Variants in KLHL32 observed in about 807,000 individuals in gnomAD.
KLHL32 encodes kelch like family member 32, also known as kelch-like protein 32.
In KLHL32, 35 loss-of-function variants were observed where a neutral mutation model predicts 64.8. That is an observed-to-expected ratio of 0.54 (90% CI 0.41 to 0.72). The LOEUF is 0.72. Among genes scored for constraint, KLHL32 ranks in the 30% least tolerant of loss-of-function variants. The pLI is 0.00. For synonymous variants in KLHL32, 259 were observed against 281.0 expected (o/e 0.92, Z 0.78); for missense variants, 589 against 768.5 (o/e 0.77, Z 2.76).
At chr6:96,943,419 A>G (rs1771569628) in intron 1 of KLHL32, among the ~76,000 whole-genome samples, 1 of 152,084 alleles carries the variant, frequency 6.6e-6, no homozygotes, top group African/African-American at 2.4e-5. Context: ...CTGTTCTACC[A>G]AGGAGATTTC....
intron 3 of KLHL32, among the ~76,000 whole-genome samples, chr6:97,027,172 A>G (rs983837432): frequency 5.3e-5 from 8 of 151,880 alleles, no homozygotes; most frequent in Admixed American, 1.3e-4. Flanking sequence ...AAAAAAAAAA[A>G]AAAAAGAAAA....
chr6:97,019,514 G>A (rs374085673), intron 3 of KLHL32, among the ~76,000 whole-genome samples: 1 of 152,168 alleles, frequency 6.6e-6, no homozygotes, highest in Non-Finnish European at 1.5e-5. Flanking sequence ...GTGGGACTTC[G>A]GGTGAAGCAC....
intron 6 of KLHL32, among the ~76,000 whole-genome samples, chr6:97,093,370 T>C (rs1326876668): frequency 6.6e-6 from 1 of 152,200 alleles, no homozygotes; most frequent in African/African-American, 2.4e-5. Context: ...ATAAGGCAAG[T>C]ATGATCCAAA....
chr6:97,062,183 T>G (rs1309502759), intron 4 of KLHL32: 1 of 152,258 alleles, frequency 6.6e-6, no homozygotes, highest in Non-Finnish European at 1.5e-5. Context: ...AATATTCATC[T>G]TGTCTCTCTG....
At chr6:96,986,653 G>A (rs1340132586) in intron 3 of KLHL32, among the ~76,000 whole-genome samples, 1 of 152,222 alleles carries the variant, frequency 6.6e-6, no homozygotes, top group Non-Finnish European at 1.5e-5. Flanking sequence ...GGCTTCGTGG[G>A]TGTAGGACCC....
intron 7 of KLHL32, among the ~76,000 whole-genome samples, chr6:97,121,337 G>T (rs186799047): frequency 3.4e-4 from 52 of 152,214 alleles, no homozygotes; most frequent in Admixed American, 6.5e-4. Flanking sequence ...CTTCCAAATG[G>T]CATAAAACTG....
At chr6:97,001,337 C>T (rs1779008049) in intron 3 of KLHL32, among the ~76,000 whole-genome samples, 1 of 152,154 alleles carries the variant, frequency 6.6e-6, no homozygotes. Context: ...TGGTCTAAAA[C>T]ATACATTTTA....
intron 8 of KLHL32, 48 bp downstream of exon 8, chr6:97,127,510 A>C: frequency 6.8e-7 from 1 of 1,460,048 alleles, no homozygotes; most frequent in Non-Finnish European, 9.6e-7. Context: ...ATGAATTTTA[A>C]AAGATTCCAG....
At chr6:97,016,727 A>C (rs1294981077) in intron 3 of KLHL32, among the ~76,000 whole-genome samples, 1 of 152,148 alleles carries the variant, frequency 6.6e-6, no homozygotes, top group Non-Finnish European at 1.5e-5. Context: ...GCAGAATTAT[A>C]TGGTTTGGGC....
At chr6:96,986,551 C>A (rs1777096934) in intron 3 of KLHL32, among the ~76,000 whole-genome samples, 1 of 152,202 alleles carries the variant, frequency 6.6e-6, no homozygotes, top group South Asian at 2.1e-4. Flanking sequence ...CTTTGTTTAC[C>A]TACTCAAGCC....
the KLHL32 span, among the ~76,000 whole-genome samples, chr6:96,913,875 T>A: frequency 5.9e-5 from 9 of 152,164 alleles, no homozygotes; most frequent in Admixed American, 5.9e-4. Context: ...TCTTAAAGTC[T>A]ATGGATAGAT....
intron 4 of KLHL32, among the ~76,000 whole-genome samples, chr6:97,053,052 G>A (rs1787197135): frequency 6.6e-6 from 1 of 151,800 alleles, no homozygotes; most frequent in Non-Finnish European, 1.5e-5. Flanking sequence ...GAGCCACATT[G>A]TGACCCACTT....
At chr6:96,925,879 T>C (rs938802125) in intron 1 of KLHL32, among the ~76,000 whole-genome samples, 3 of 152,250 alleles carry the variant, frequency 2.0e-5, no homozygotes. Flanking sequence ...TCTATCTCTA[T>C]ACACAGATAG....
chr6:96,933,191 C>T (rs1770152806), intron 1 of KLHL32, among the ~76,000 whole-genome samples: 1 of 152,144 alleles, frequency 6.6e-6, no homozygotes, highest in Non-Finnish European at 1.5e-5. Context: ...ACATATTTTA[C>T]TCCTGGACCC....
At chr6:97,003,609 AT>A (rs1462865176) in intron 3 of KLHL32, among the ~76,000 whole-genome samples, 1 of 151,978 alleles carries the variant, frequency 6.6e-6, no homozygotes, top group Non-Finnish European at 1.5e-5. Flanking sequence ...ATCTTCCAGG[AT>A]TTTTAGAGTT....
At chr6:97,122,024 G>A (rs1353735705) in intron 7 of KLHL32, among the ~76,000 whole-genome samples, 1 of 152,192 alleles carries the variant, frequency 6.6e-6, no homozygotes, top group South Asian at 2.1e-4. Flanking sequence ...TACAGAATGA[G>A]GAATGGGAGT....
chr6:97,017,978 C>T (rs1381918523), intron 3 of KLHL32, among the ~76,000 whole-genome samples: 2 of 152,116 alleles, frequency 1.3e-5, no homozygotes, highest in African/African-American at 4.8e-5. Flanking sequence ...TGAGTGAAGT[C>T]ACTGGGAATT....
In KLHL32 at chr6:96,967,039, A is replaced by G. The variant is rs767880645; in HGVS notation, c.-22A>G. The G allele has an allele frequency of 3.1e-6, 5 of 1,612,530 alleles. No homozygotes were observed. The highest frequency in any genetic ancestry group is 4.2e-6 in the Non-Finnish European group (5 of 1,178,802). On this transcript the variant is annotated 5_prime_UTR_variant, in exon 2 of 11. Coordinates refer to ENST00000369261, the MANE Select transcript of KLHL32 (RefSeq NM_052904.4). ...CCTCTGCACACTTCTAAGGCTGAGAACCTGAGGAACCCAGCTGGAAAATGC... is the reference window on the plus strand; with the variant it reads ...CCTCTGCACACTTCTAAGGCTGAGAGCCTGAGGAACCCAGCTGGAAAATGC...
At chr6:97,091,546 C>T (rs1411026685) in intron 6 of KLHL32, among the ~76,000 whole-genome samples, 1 of 152,200 alleles carries the variant, frequency 6.6e-6, no homozygotes, top group East Asian at 1.9e-4. Flanking sequence ...CCGCTTGCTG[C>T]TCTTTCCCAC....
Sources: gnomAD v4.1 joint callset for allele counts (sites outside exome capture counted in the v4.1 genomes callset) on GRCh38, gnomAD v4.1.1 for gene constraint, MANE v1.5 for transcripts, NCBI Gene and HGNC (gene_info 2026-07-23, HGNC 2026-07-21) for gene names.